The following THADA variants were observed in gnomAD, a reference collection of about 807,000 sequenced individuals.
THADA encodes the protein THADA armadillo repeat containing, also known as tRNA (32-2'-O)-methyltransferase regulator THADA.
In THADA, 213 loss-of-function variants were observed where a neutral mutation model predicts 219.8. That is an observed-to-expected ratio of 0.97 (90% CI 0.87 to 1.09). The LOEUF is 1.09. Ranked by LOEUF, THADA falls within the 50% of genes least tolerant of loss-of-function variation. The pLI is 0.00. For missense variants in THADA, 2,956 were observed against 2,311.3 expected (o/e 1.28, Z -5.72); for synonymous variants, 1,018 against 828.9 (o/e 1.23, Z -3.92).
chr2:43,447,355 C>T (rs1288625176), intron 26 of THADA, among the ~76,000 whole-genome samples: 1 of 152,136 alleles, frequency 6.6e-6, no homozygotes, highest in Non-Finnish European at 1.5e-5. Flanking sequence ...ATACTCTTTT[C>T]TTCTGTCTCC....
At chr2:43,579,643 T>C (rs1309870175) in intron 8 of THADA, among the ~76,000 whole-genome samples, 1 of 152,174 alleles carries the variant, frequency 6.6e-6, no homozygotes, top group Non-Finnish European at 1.5e-5. Context: ...AAGGTAGGCA[T>C]ATAAGAGGGT....
In THADA at chr2:43,590,828, C is replaced by T; in HGVS notation, c.298G>A (p.Ala100Thr). The change falls in exon 4 of 38, where the codon GCA (alanine) becomes ACA (threonine). Residue 100 changes from alanine (A) to threonine (T), a missense_variant. Coordinates refer to ENST00000405975, the MANE Select transcript of THADA (RefSeq NM_022065.5). The part of the protein sequence containing the change: ...SLKNPLKKVL[A>T]SSLNSLPDFF... ...TTCCCTTCCTTTTTTTCTTACCTTGCCAATACTTTCTTCAAGGGATTCTTT... is the reference window on the plus strand; with the variant it reads ...TTCCCTTCCTTTTTTTCTTACCTTGTCAATACTTTCTTCAAGGGATTCTTT... 1 of 1,612,200 alleles carries T rather than the reference C, an allele frequency of 6.2e-7. No homozygotes were observed. The highest frequency in any genetic ancestry group is 1.1e-5 in the South Asian group (1 of 90,592).
chr2:43,429,525 A>C (rs1235602303), intron 27 of THADA, among the ~76,000 whole-genome samples: 1 of 152,126 alleles, frequency 6.6e-6, no homozygotes, highest in Non-Finnish European at 1.5e-5. Context: ...CCATTTCTGA[A>C]CACAAGTGAT....
chr2:43,405,811 C>T (rs6544653), intron 28 of THADA, among the ~76,000 whole-genome samples: 48,739 of 152,012 alleles, frequency 0.32, 8,143 homozygotes, highest in South Asian at 0.35. Context: ...ACATACGTTA[C>T]CTATCGGGCA....
chr2:43,304,576 A>AT (rs1558551080), intron 31 of THADA, among the ~76,000 whole-genome samples: 1 of 152,216 alleles, frequency 6.6e-6, no homozygotes, highest in African/African-American at 2.4e-5. Flanking sequence ...CTTTGCAGAC[A>AT]TAACTGTTCT....
intron 23 of THADA, among the ~76,000 whole-genome samples, chr2:43,508,323 G>C (rs971769502): frequency 6.6e-6 from 1 of 152,058 alleles, no homozygotes; most frequent in African/African-American, 2.4e-5. Context: ...AAATACAGTG[G>C]GGTGGTGGGG....
At chr2:43,345,930 C>T (rs1667581756) in intron 29 of THADA, among the ~76,000 whole-genome samples, 1 of 152,170 alleles carries the variant, frequency 6.6e-6, no homozygotes, top group Non-Finnish European at 1.5e-5. Context: ...TTGGCAAAAA[C>T]AAGACTGTTT....
At chr2:43,439,638 T>C (rs556776115) in intron 26 of THADA, among the ~76,000 whole-genome samples, 3 of 152,334 alleles carry the variant, frequency 2.0e-5, no homozygotes, top group Non-Finnish European at 2.9e-5. Flanking sequence ...TATTTTATTA[T>C]TAGTTATTGT....
chr2:43,584,921 A>G (rs1415439251), intron 7 of THADA, among the ~76,000 whole-genome samples: 1 of 152,230 alleles, frequency 6.6e-6, no homozygotes, highest in African/African-American at 2.4e-5. Flanking sequence ...AGGCAGCAAC[A>G]TATTACAAAA....
At chr2:43,314,953 C>T (rs1363477078) in intron 31 of THADA, among the ~76,000 whole-genome samples, 2 of 152,210 alleles carry the variant, frequency 1.3e-5, no homozygotes, top group African/African-American at 4.8e-5. Flanking sequence ...TAAAACACAT[C>T]ATTATCTTAA....
intron 31 of THADA, among the ~76,000 whole-genome samples, chr2:43,296,156 G>A (rs1469255935): frequency 6.6e-6 from 1 of 152,058 alleles, no homozygotes; most frequent in Non-Finnish European, 1.5e-5. Flanking sequence ...CTGACCTCGT[G>A]ATCTGCTCGC....
intron 16 of THADA, among the ~76,000 whole-genome samples, chr2:43,558,571 A>G (rs983831838): frequency 2.0e-5 from 3 of 152,146 alleles, no homozygotes; most frequent in Non-Finnish European, 4.4e-5. Flanking sequence ...AGAACATGGA[A>G]AGATTAGACT....
intron 31 of THADA, among the ~76,000 whole-genome samples, chr2:43,294,027 C>T (rs1268660449): frequency 2.0e-5 from 3 of 152,184 alleles, no homozygotes; most frequent in East Asian, 1.9e-4. Flanking sequence ...TCTTTTTTGA[C>T]GTGGTCTACT....
intron 29 of THADA, among the ~76,000 whole-genome samples, chr2:43,372,507 A>T (rs1573328214): frequency 6.6e-6 from 1 of 152,110 alleles, no homozygotes; most frequent in African/African-American, 2.4e-5. Flanking sequence ...GTGGCCATTA[A>T]ACTTGGAGTT....
chr2:43,556,543 G>C lies in THADA; in HGVS notation c.2476C>G (p.Leu826Val). The C allele has an allele frequency of 6.2e-7, 1 of 1,613,542 alleles. No individual in the cohort carries two copies. The highest frequency in any genetic ancestry group is 8.5e-7 in the Non-Finnish European group (1 of 1,179,680). Reference sequence around the variant, plus strand: ...AATGCTGCCTGAAATAAGCCTTGCAGTTTCCCCGAATCCTAGAATAAAGCG... The same window carrying C: ...AATGCTGCCTGAAATAAGCCTTGCACTTTCCCCGAATCCTAGAATAAAGCG... ...TAVHFQDSGK[L>V]QGLFQAALEL... Residue 826 changes from leucine to valine, a missense_variant, in exon 17 of 38, where the codon CTG becomes GTG. Transcript: ENST00000405975.
intron 26 of THADA, among the ~76,000 whole-genome samples, chr2:43,463,755 T>C (rs1054271232): frequency 6.6e-6 from 1 of 152,234 alleles, no homozygotes; most frequent in Admixed American, 6.5e-5. Flanking sequence ...TTTTTATTCT[T>C]TTGAATTACT....
intron 31 of THADA, among the ~76,000 whole-genome samples, chr2:43,313,568 G>A (rs1027678937): frequency 6.6e-6 from 1 of 152,240 alleles, no homozygotes; most frequent in Non-Finnish European, 1.5e-5. Context: ...AAAAGGGCAG[G>A]TGGCTGCCCG....
intron 22 of THADA, among the ~76,000 whole-genome samples, chr2:43,515,814 C>T (rs979890606): frequency 1.3e-5 from 2 of 152,072 alleles, no homozygotes; most frequent in Admixed American, 1.3e-4. Context: ...TCCAGAGACT[C>T]TCACCAAAAG....
intron 29 of THADA, among the ~76,000 whole-genome samples, chr2:43,381,046 C>G (rs1246693456): frequency 7.7e-6 from 1 of 129,156 alleles, no homozygotes; most frequent in Non-Finnish European, 1.5e-5. Flanking sequence ...TGCAGTGAGC[C>G]AAGATCGTGC....
Sources: gnomAD v4.1 joint callset for allele counts (sites outside exome capture counted in the v4.1 genomes callset) on GRCh38, gnomAD v4.1.1 for gene constraint, MANE v1.5 for transcripts, NCBI Gene and HGNC (gene_info 2026-07-23, HGNC 2026-07-21) for gene names.